OPCML: variants seen among roughly 807,000 people sequenced by gnomAD.
OPCML encodes the protein opioid binding protein/cell adhesion molecule like, also known as opioid-binding protein/cell adhesion molecule.
OPCML carries 13 observed loss-of-function variants against 37.8 expected under a neutral mutation model. The ratio of observed to expected loss-of-function variants is 0.34; its 90% CI spans 0.22 to 0.55. The LOEUF (loss-of-function observed/expected upper bound fraction) is 0.55, where lower values mean the gene tolerates loss of function less well. Among genes scored for constraint, OPCML ranks in the 20% least tolerant of loss-of-function variants. OPCML has a pLI of 0.91. For missense variants in OPCML, 341 were observed against 435.6 expected (o/e 0.78, Z 1.93); for synonymous variants, 176 against 168.8 (o/e 1.04, Z -0.33).
intron 1 of OPCML, among the ~76,000 whole-genome samples, chr11:133,363,489 T>A (rs1425009695): frequency 1.3e-5 from 2 of 152,252 alleles, no homozygotes; most frequent in Non-Finnish European, 2.9e-5. Flanking sequence ...GCTGGTCTCC[T>A]CTCTGCTTCT....
intron 1 of OPCML, among the ~76,000 whole-genome samples, chr11:133,363,943 A>G (rs1030089277): frequency 6.6e-6 from 1 of 152,078 alleles, no homozygotes; most frequent in Non-Finnish European, 1.5e-5. Flanking sequence ...TGGCCACATC[A>G]AGCTCGCAGT....
intron 2 of OPCML, among the ~76,000 whole-genome samples, chr11:132,777,325 C>G (rs1946840215): frequency 6.6e-6 from 1 of 152,226 alleles, no homozygotes; most frequent in Non-Finnish European, 1.5e-5. Context: ...CTAGTTAGAA[C>G]TAGTTAGAGC....
At chr11:132,697,518 G>A (rs576007751) in intron 2 of OPCML, among the ~76,000 whole-genome samples, 1 of 152,108 alleles carries the variant, frequency 6.6e-6, no homozygotes, top group African/African-American at 2.4e-5. Context: ...ACATATAAGT[G>A]AGATCATGCA....
intron 4 of OPCML, among the ~76,000 whole-genome samples, chr11:132,527,856 T>C (rs2096312784): frequency 6.6e-6 from 1 of 152,178 alleles, no homozygotes. Flanking sequence ...CTTATATCCT[T>C]ATTAAAAGGA....
chr11:133,191,304 C>T (rs568773488), intron 1 of OPCML, among the ~76,000 whole-genome samples: 1 of 152,032 alleles, frequency 6.6e-6, no homozygotes, highest in African/African-American at 2.4e-5. Context: ...ATTTTTTGCT[C>T]ACTTAAAAAA....
chr11:133,101,524 C>T (rs1202430023), intron 1 of OPCML, among the ~76,000 whole-genome samples: 1 of 152,140 alleles, frequency 6.6e-6, no homozygotes, highest in African/African-American at 2.4e-5. Context: ...AACACCATTA[C>T]TTACCTACTA....
chr11:132,427,117 A>C (rs1184179491), intron 7 of OPCML, among the ~76,000 whole-genome samples: 1 of 152,222 alleles, frequency 6.6e-6, no homozygotes, highest in South Asian at 2.1e-4. Flanking sequence ...AATTCTACTA[A>C]AATGGCAGAT....
At chr11:132,933,872 C>G (rs1210421655) in intron 2 of OPCML, among the ~76,000 whole-genome samples, 2 of 152,098 alleles carry the variant, frequency 1.3e-5, no homozygotes, top group African/African-American at 4.8e-5. Flanking sequence ...CACAGGGTGC[C>G]TTACAGACAA....
chr11:132,946,306 C>G (rs1220449191), intron 1 of OPCML, among the ~76,000 whole-genome samples: 1 of 152,034 alleles, frequency 6.6e-6, no homozygotes, highest in South Asian at 2.1e-4. Context: ...TTTACAATCA[C>G]CTTTTTAAAA....
intron 2 of OPCML, among the ~76,000 whole-genome samples, chr11:132,905,295 G>GATCTTGGCTCACAGA (rs1944202536): frequency 7.6e-6 from 1 of 131,236 alleles, no homozygotes; most frequent in Admixed American, 8.9e-5. Context: ...GCAGTGGCAT[G>GATCTTGGCTCACAGA]ATCTTGGCTC....
intron 1 of OPCML, among the ~76,000 whole-genome samples, chr11:133,097,237 C>A (rs1016632336): frequency 7.2e-5 from 11 of 152,050 alleles, no homozygotes; most frequent in African/African-American, 2.4e-4. Context: ...AAATCAATAA[C>A]GGGAAGATCA....
chr11:132,949,510 C>T (rs1001830213), intron 1 of OPCML, among the ~76,000 whole-genome samples: 1 of 152,190 alleles, frequency 6.6e-6, no homozygotes, highest in Non-Finnish European at 1.5e-5. Flanking sequence ...TGGATGGATA[C>T]TTCCAACCAG....
At chr11:132,535,094 T>C (rs1251234642) in intron 3 of OPCML, among the ~76,000 whole-genome samples, 1 of 149,088 alleles carries the variant, frequency 6.7e-6, no homozygotes, top group African/African-American at 2.4e-5. Flanking sequence ...TATTTAATAA[T>C]ATAGTATAAC....
chr11:132,668,125 G>T (rs577431945), intron 2 of OPCML, among the ~76,000 whole-genome samples: 1 of 152,306 alleles, frequency 6.6e-6, no homozygotes, highest in East Asian at 1.9e-4. Context: ...CAGCTGGAAT[G>T]AAAGAAATTA....
At chr11:133,511,447 C>T (rs1394765875) in intron 1 of OPCML, among the ~76,000 whole-genome samples, 2 of 152,172 alleles carry the variant, frequency 1.3e-5, no homozygotes, top group Non-Finnish European at 2.9e-5. Context: ...ACATCTACTA[C>T]TCTCTTCCCA....
At chr11:132,718,571 TC>T (rs1166548914) in intron 2 of OPCML, among the ~76,000 whole-genome samples, 5 of 152,216 alleles carry the variant, frequency 3.3e-5, no homozygotes, top group Middle Eastern at 3.4e-3. Context: ...TTCTTCTGTG[TC>T]CCTGCACAGC....
intron 2 of OPCML, among the ~76,000 whole-genome samples, chr11:132,695,408 A>G (rs1943566017): frequency 6.6e-6 from 1 of 152,218 alleles, no homozygotes; most frequent in African/African-American, 2.4e-5. Flanking sequence ...CAGGAGCAGT[A>G]TTATGGCAAT....
At chr11:132,682,543 C>T (rs1042001618) in intron 2 of OPCML, among the ~76,000 whole-genome samples, 3 of 152,162 alleles carry the variant, frequency 2.0e-5, no homozygotes, top group East Asian at 1.9e-4. Flanking sequence ...TAATTAAGCA[C>T]CCACACATGA....
At chr11:132,961,593 T>C (rs1334412743) in intron 1 of OPCML, among the ~76,000 whole-genome samples, 1 of 152,208 alleles carries the variant, frequency 6.6e-6, no homozygotes, top group Non-Finnish European at 1.5e-5. Context: ...TAAATATAAA[T>C]AGGCCCACAG....
Sources: allele counts gnomAD v4.1 joint callset (sites outside exome capture counted in the v4.1 genomes callset), GRCh38; gene constraint gnomAD v4.1.1; transcripts MANE v1.5; gene names NCBI Gene and HGNC (gene_info 2026-07-23, HGNC 2026-07-21).